LRP5: variants seen among roughly 807,000 people sequenced by gnomAD.
The protein encoded by LRP5 is LDL receptor related protein 5, also known as low-density lipoprotein receptor-related protein 5.
A neutral mutation model predicts 154.1 loss-of-function variants in LRP5; 62 were observed. The observed-to-expected ratio is 0.40, with a 90% CI of 0.33 to 0.50. The LOEUF (loss-of-function observed/expected upper bound fraction) is 0.50. Ranked by LOEUF, LRP5 falls within the 20% of genes least tolerant of loss-of-function variation. LRP5 has a pLI of 0.55. For synonymous variants in LRP5, 966 were observed against 1,011.5 expected (o/e 0.96, Z 0.85); for missense variants, 1,915 against 2,336.7 (o/e 0.82, Z 3.72).
rs117442065 is a variant in LRP5 at position 68,334,934 on chromosome 11, T to C, written c.92-12913T>C. Among the ~76,000 whole-genome samples, 185 of 152,274 alleles carry C rather than the reference T, an allele frequency of 1.2e-3. 2 individuals are homozygous for C. In the East Asian group the frequency reaches 0.033, roughly 27 times the overall value. On this transcript the variant is annotated intron_variant, in intron 1 of 22. Transcript: ENST00000294304. ...CACGTACAGTTGGTTCTTGTTATTC[T>C]TGAAAGTTATGCTCCATAAAGTCAC...
At chr11:68,425,319 C>T (rs374851383) in intron 15 of LRP5, 27 bp downstream of exon 15, 40 of 1,588,414 alleles carry the variant, frequency 2.5e-5, no homozygotes, top group African/African-American at 1.3e-4. Context: ...CTGCCCTAAC[C>T]GCAGACACCC....
chr11:68,360,317 T>G (rs962961811), intron 3 of LRP5, among the ~76,000 whole-genome samples: 2 of 152,190 alleles, frequency 1.3e-5, no homozygotes, highest in African/African-American at 4.8e-5. Context: ...GTGCCTAGCC[T>G]GTGTTTGCTA....
intron 7 of LRP5, among the ~76,000 whole-genome samples, chr11:68,394,851 C>T (rs549691951): frequency 2.0e-5 from 3 of 152,296 alleles, no homozygotes; most frequent in African/African-American, 7.2e-5. Flanking sequence ...GGCTTACAGG[C>T]CATGGTGCTG....
At chr11:68,398,506 G>T (rs1044844864) in intron 7 of LRP5, among the ~76,000 whole-genome samples, 1 of 152,150 alleles carries the variant, frequency 6.6e-6, no homozygotes. Context: ...CAGCCTCTCG[G>T]GTCTAGTTTC....
chr11:68,340,704 T>C (rs2153125492), intron 1 of LRP5, among the ~76,000 whole-genome samples: 1 of 152,298 alleles, frequency 6.6e-6, no homozygotes, highest in South Asian at 2.1e-4. Context: ...GCCTTTGTGA[T>C]GTACGGTCCT....
chr11:68,304,723 A>G, the LRP5 span, among the ~76,000 whole-genome samples: 1 of 152,230 alleles, frequency 6.6e-6, no homozygotes, highest in Admixed American at 6.5e-5. Flanking sequence ...TGGCTATGGG[A>G]CATGGAGTTT....
At chr11:68,323,948 C>G (rs1367587420) in intron 1 of LRP5, among the ~76,000 whole-genome samples, 1 of 152,222 alleles carries the variant, frequency 6.6e-6, no homozygotes, top group East Asian at 1.9e-4. Context: ...TCCCTTGGGA[C>G]ACTCATTCAT....
At chr11:68,327,608 G>T (rs1229668638) in intron 1 of LRP5, among the ~76,000 whole-genome samples, 4 of 152,180 alleles carry the variant, frequency 2.6e-5, no homozygotes, top group Non-Finnish European at 5.9e-5. Flanking sequence ...CTTGTGCCCA[G>T]TCTCCCCATC....
intron 1 of LRP5, 67 bp downstream of exon 1, chr11:68,312,872 C>G: frequency 1.1e-6 from 1 of 889,520 alleles, no homozygotes; most frequent in Non-Finnish European, 1.4e-6. Context: ...GCCCCGCGGC[C>G]AAGTGCGCGG....
chr11:68,320,072 A>G (rs1323396916), intron 1 of LRP5, among the ~76,000 whole-genome samples: 1 of 152,152 alleles, frequency 6.6e-6, no homozygotes, highest in Non-Finnish European at 1.5e-5. Flanking sequence ...GAGGTGGGAA[A>G]ATCTATTGAG....
chr11:68,418,298 G>A (rs1456444508), intron 13 of LRP5, among the ~76,000 whole-genome samples: 4 of 151,828 alleles, frequency 2.6e-5, no homozygotes, highest in African/African-American at 7.3e-5. Context: ...CCAGCTACTC[G>A]GGAGGCTGAG....
intron 7 of LRP5, among the ~76,000 whole-genome samples, chr11:68,396,675 A>G (rs1417764058): frequency 1.3e-5 from 2 of 152,176 alleles, no homozygotes; most frequent in Admixed American, 1.3e-4. Flanking sequence ...TGACTGTGAC[A>G]GCTGTCCTGG....
chr11:68,407,569 G>A (rs1394428916), intron 9 of LRP5, among the ~76,000 whole-genome samples: 4 of 151,224 alleles, frequency 2.6e-5, no homozygotes, highest in Non-Finnish European at 4.4e-5. Context: ...GGCTGGGTGC[G>A]GTGGCTCACA....
intron 3 of LRP5, among the ~76,000 whole-genome samples, chr11:68,361,353 A>C (rs1211145831): frequency 1.3e-5 from 2 of 149,660 alleles, no homozygotes; most frequent in African/African-American, 4.9e-5. Flanking sequence ...AATTAAAAGT[A>C]AGGCCGGGCG....
intron 13 of LRP5, among the ~76,000 whole-genome samples, chr11:68,419,130 G>A (rs1271690633): frequency 6.6e-6 from 1 of 152,140 alleles, no homozygotes; most frequent in Admixed American, 6.5e-5. Flanking sequence ...AAAAGATGGT[G>A]TCTAAATTAT....
chr11:68,442,010 C>A (rs649772), intron 21 of LRP5, among the ~76,000 whole-genome samples: 84,777 of 151,906 alleles, frequency 0.56, 26,056 homozygotes, highest in South Asian at 0.77. Flanking sequence ...CCAAGCAGGA[C>A]TCCCTGGGAG....
At chr11:68,373,127 G>A (rs1270425375) in intron 5 of LRP5, among the ~76,000 whole-genome samples, 1 of 152,212 alleles carries the variant, frequency 6.6e-6, no homozygotes, top group African/African-American at 2.4e-5. Context: ...AGCCTCAGGT[G>A]AGACTCAAGG....
intron 1 of LRP5, among the ~76,000 whole-genome samples, chr11:68,326,058 C>G (rs1260427903): frequency 6.6e-6 from 1 of 152,252 alleles, no homozygotes; most frequent in Non-Finnish European, 1.5e-5. Flanking sequence ...GTGGGTTGCG[C>G]TCATGACAAC....
At chr11:68,424,383 T>G (rs1363250072) in intron 14 of LRP5, among the ~76,000 whole-genome samples, 1 of 152,168 alleles carries the variant, frequency 6.6e-6, no homozygotes, top group African/African-American at 2.4e-5. Context: ...GCGGGTGGCA[T>G]AGCCTCTTGG....
Sources: allele counts gnomAD v4.1 joint callset (sites outside exome capture counted in the v4.1 genomes callset), GRCh38; gene constraint gnomAD v4.1.1; transcripts MANE v1.5; gene names NCBI Gene and HGNC (gene_info 2026-07-23, HGNC 2026-07-21).